TBXAS1: variants seen among roughly 807,000 people sequenced by gnomAD.
TBXAS1 encodes the protein thromboxane A synthase 1, also known as thromboxane-A synthase.
In TBXAS1, 48 loss-of-function variants were observed where a neutral mutation model predicts 60.7. That is an observed-to-expected ratio of 0.79 (90% CI 0.63 to 1.01). TBXAS1 has a LOEUF of 1.01. Ranked by LOEUF, TBXAS1 falls within the 50% of genes least tolerant of loss-of-function variation. The probability of loss-of-function intolerance (pLI) is 0.00; values close to 1 mark genes in which losing one functional copy is unlikely to be tolerated. For synonymous variants in TBXAS1, 287 were observed against 269.7 expected (o/e 1.06, Z -0.63); for missense variants, 685 against 686.3 (o/e 1.00, Z 0.02).
At chr7:139,954,529 A>G (rs1809682520) in intron 6 of TBXAS1, among the ~76,000 whole-genome samples, 1 of 152,252 alleles carries the variant, frequency 6.6e-6, no homozygotes, top group Non-Finnish European at 1.5e-5. Flanking sequence ...AACGTCATGT[A>G]TTCCTTAATG....
chr7:140,019,441 G>A (rs950835496), intron 12 of TBXAS1, among the ~76,000 whole-genome samples: 3 of 152,162 alleles, frequency 2.0e-5, no homozygotes, highest in African/African-American at 7.2e-5. Context: ...CCCGGCTTAA[G>A]AACCAGCCAG....
chr7:139,962,421 T>A, intron 9 of TBXAS1, 188 bp downstream of exon 9: 1 of 686,396 alleles, frequency 1.5e-6, no homozygotes, highest in Admixed American at 2.5e-5. Context: ...TTGAGAACAA[T>A]AACCACAACA....
intron 8 of TBXAS1, among the ~76,000 whole-genome samples, chr7:139,960,711 A>C (rs2117370871): frequency 6.7e-6 from 1 of 148,468 alleles, no homozygotes; most frequent in Non-Finnish European, 1.5e-5. Context: ...ACACCATTGT[A>C]CTCCAGCCTG....
upstream of TBXAS1, among the ~76,000 whole-genome samples, chr7:139,825,501 T>C (rs1798413861): frequency 6.6e-6 from 1 of 152,174 alleles, no homozygotes. Flanking sequence ...AATGAGCCAG[T>C]TAACTCAGCG....
chr7:139,817,318 C>T (rs560959310), intron 4 of TBXAS1, among the ~76,000 whole-genome samples: 7 of 152,216 alleles, frequency 4.6e-5, no homozygotes, highest in Admixed American at 3.3e-4. Context: ...CCCACCTGTA[C>T]ATGCATGCAC....
intron 5 of TBXAS1, among the ~76,000 whole-genome samples, chr7:139,947,824 C>T (rs186272582): frequency 1.3e-5 from 2 of 152,006 alleles, no homozygotes; most frequent in Admixed American, 6.5e-5. Flanking sequence ...TTAGCTTGGG[C>T]TGTCATAACC....
At chr7:139,946,166 C>T (rs1346466577) in intron 5 of TBXAS1, among the ~76,000 whole-genome samples, 1 of 152,138 alleles carries the variant, frequency 6.6e-6, no homozygotes, top group Non-Finnish European at 1.5e-5. Flanking sequence ...GACCCCGTTT[C>T]TACAAAACAT....
intron 1 of TBXAS1, among the ~76,000 whole-genome samples, chr7:139,841,817 T>C (rs951514126): frequency 1.3e-5 from 2 of 152,244 alleles, no homozygotes; most frequent in African/African-American, 4.8e-5. Flanking sequence ...ATTTTCCTGA[T>C]AGGCTAAACC....
intron 1 of TBXAS1, among the ~76,000 whole-genome samples, chr7:139,860,003 ATAGTGCACGCCTG>A (rs1800852744): frequency 6.6e-6 from 1 of 152,030 alleles, no homozygotes; most frequent in South Asian, 2.1e-4. Flanking sequence ...GCTGAGCACA[ATAGTGCACGCCTG>A]TAGTCCTAGC....
intron 8 of TBXAS1, among the ~76,000 whole-genome samples, chr7:139,960,167 T>A (rs1049891572): frequency 3.3e-5 from 5 of 152,136 alleles, no homozygotes; most frequent in Admixed American, 6.5e-5. Context: ...GCACCCATAG[T>A]CTTAACCTTG....
chr7:139,901,796 G>C (rs990407059), intron 3 of TBXAS1, among the ~76,000 whole-genome samples: 1 of 151,970 alleles, frequency 6.6e-6, no homozygotes, highest in African/African-American at 2.4e-5. Context: ...TCAGAGTATG[G>C]AAAGAGTCCT....
intron 1 of TBXAS1, among the ~76,000 whole-genome samples, chr7:139,842,288 C>CA (rs1272407492): frequency 6.6e-6 from 1 of 152,132 alleles, no homozygotes; most frequent in East Asian, 1.9e-4. Context: ...ATAAACAAAG[C>CA]AAAACATCAG....
At chr7:139,827,539 C>T (rs368578133), upstream of TBXAS1, among the ~76,000 whole-genome samples, 27 of 152,082 alleles carry the variant, frequency 1.8e-4, 1 homozygote, top group South Asian at 5.2e-3. Flanking sequence ...TTGTTTTTTG[C>T]TTTTGTTTTT....
intron 9 of TBXAS1, among the ~76,000 whole-genome samples, chr7:139,986,781 G>A (rs1812510655): frequency 2.0e-5 from 1 of 49,482 alleles, no homozygotes. Flanking sequence ...GTGTGTGTGT[G>A]TGTGTGTGTG....
intron 9 of TBXAS1, among the ~76,000 whole-genome samples, chr7:139,974,413 C>G (rs1811423521): frequency 6.6e-6 from 1 of 152,188 alleles, no homozygotes; most frequent in South Asian, 2.1e-4. Context: ...CTGGACTTCT[C>G]TCTGACCAAA....
intron 1 of TBXAS1, among the ~76,000 whole-genome samples, chr7:139,851,825 G>T (rs1024743961): frequency 8.5e-5 from 13 of 152,174 alleles, no homozygotes; most frequent in Non-Finnish European, 1.6e-4. Flanking sequence ...GGGCCCTCTG[G>T]ATCCTTGCCC....
intron 4 of TBXAS1, among the ~76,000 whole-genome samples, chr7:139,793,213 T>C (rs1191211100): frequency 2.0e-5 from 3 of 152,030 alleles, no homozygotes; most frequent in Admixed American, 2.0e-4. Flanking sequence ...GGTCAGGAGT[T>C]CAAGACCAGC....
At chr7:139,798,590 GTC>G (rs1797631866) in intron 4 of TBXAS1, among the ~76,000 whole-genome samples, 3 of 152,168 alleles carry the variant, frequency 2.0e-5, no homozygotes, top group African/African-American at 7.2e-5. Flanking sequence ...CAGCATCTTT[GTC>G]TGTTTCCTAC....
intron 9 of TBXAS1, among the ~76,000 whole-genome samples, chr7:139,991,676 C>T (rs935943007): frequency 2.0e-5 from 3 of 152,146 alleles, no homozygotes; most frequent in Admixed American, 6.5e-5. Context: ...AACAGAGAAT[C>T]GTTTTACATG....
Sources: gnomAD v4.1 joint callset for allele counts (sites outside exome capture counted in the v4.1 genomes callset) on GRCh38, gnomAD v4.1.1 for gene constraint, MANE v1.5 for transcripts, NCBI Gene and HGNC (gene_info 2026-07-23, HGNC 2026-07-21) for gene names.